Variants in NAV2 observed in about 807,000 individuals in gnomAD.
NAV2 encodes the protein neuron navigator 2.
A neutral mutation model predicts 223.2 loss-of-function variants in NAV2; 54 were observed. The ratio of observed to expected loss-of-function variants is 0.24; its 90% confidence interval spans 0.19 to 0.30. NAV2 has a LOEUF of 0.30. Ranked by LOEUF, NAV2 falls within the 10% of genes least tolerant of loss-of-function variation. The pLI, the probability that NAV2 is intolerant of heterozygous loss-of-function variation, is 1.00. For missense variants in NAV2, 2,806 were observed against 3,147.5 expected (o/e 0.89, Z 2.60); for synonymous variants, 1,279 against 1,239.3 (o/e 1.03, Z -0.67).
rs987257571 is a variant in NAV2 at position 19,378,468 on chromosome 11, C to T, written c.75+27441C>T. On this transcript the variant is annotated intron_variant, in intron 1 of 37. Coordinates refer to the NAV2 transcript ENST00000360655. ...ACGTGGGGAGGTGGTGCGGGGTGCACGCACTGAATCGCTGATAGATGCCAT... is the reference window on the plus strand; with the variant it reads ...ACGTGGGGAGGTGGTGCGGGGTGCATGCACTGAATCGCTGATAGATGCCAT... 2.6e-5 allele frequency among the ~76,000 whole-genome samples: 4 copies of T among 152,232 alleles called. No homozygotes were observed. In the East Asian group the frequency reaches 5.8e-4, roughly 22 times the overall value.
intron 22 of NAV2, among the ~76,000 whole-genome samples, chr11:20,068,662 A>G (rs1313530073): frequency 6.6e-6 from 1 of 152,202 alleles, no homozygotes; most frequent in African/African-American, 2.4e-5. Flanking sequence ...CCCACAGTCA[A>G]TGCTTGCAAT....
chr11:19,642,217 T>G (rs906468654), intron 1 of NAV2, among the ~76,000 whole-genome samples: 1 of 152,040 alleles, frequency 6.6e-6, no homozygotes, highest in Non-Finnish European at 1.5e-5. Context: ...ACTCTTCAAG[T>G]CCCAGCCAGC....
chr11:19,799,006 G>A (rs925222322), intron 1 of NAV2, among the ~76,000 whole-genome samples: 8 of 152,206 alleles, frequency 5.3e-5, no homozygotes, highest in African/African-American at 1.2e-4. Flanking sequence ...TGGTTAAGGA[G>A]AAGAGGTGAG....
chr11:19,642,606 G>T (rs1216037701), intron 1 of NAV2, among the ~76,000 whole-genome samples: 2 of 152,120 alleles, frequency 1.3e-5, no homozygotes, highest in Non-Finnish European at 2.9e-5. Context: ...GCTGTACATG[G>T]AGTCAACAGC....
intron 3 of NAV2, among the ~76,000 whole-genome samples, chr11:19,854,191 T>C (rs1367340238): frequency 6.6e-6 from 1 of 152,204 alleles, no homozygotes; most frequent in Non-Finnish European, 1.5e-5. Flanking sequence ...TGTTTCAGCC[T>C]AGCATCAAAG....
intron 1 of NAV2, among the ~76,000 whole-genome samples, chr11:19,398,825 A>G: frequency 6.6e-6 from 1 of 152,196 alleles, no homozygotes; most frequent in South Asian, 2.1e-4. Context: ...CCCCCCACAG[A>G]CACACTCACA....
intron 14 of NAV2, among the ~76,000 whole-genome samples, chr11:20,045,893 G>A (rs182932820): frequency 2.8e-4 from 43 of 152,302 alleles, no homozygotes; most frequent in Non-Finnish European, 5.6e-4. Context: ...CAAATCTTAG[G>A]TCCATTTTAA....
intron 1 of NAV2, among the ~76,000 whole-genome samples, chr11:19,766,532 G>A (rs533741447): frequency 3.9e-5 from 6 of 152,292 alleles, no homozygotes; most frequent in South Asian, 2.1e-4. Context: ...GAAGAGTGCC[G>A]AGATAAACTG....
intron 11 of NAV2, among the ~76,000 whole-genome samples, chr11:19,992,256 GC>G (rs1484489616): frequency 4.6e-4 from 70 of 152,364 alleles, no homozygotes; most frequent in African/African-American, 1.6e-3. Flanking sequence ...GCTCTTTTAT[GC>G]TAGTGCCACT....
At chr11:19,702,229 C>T (rs1046474070) in intron 1 of NAV2, among the ~76,000 whole-genome samples, 4 of 152,156 alleles carry the variant, frequency 2.6e-5, no homozygotes, top group Admixed American at 6.5e-5. Flanking sequence ...GGAGAATAGA[C>T]GGAATTTCTG....
rs1385743937 is a variant in NAV2 at position 19,998,463 on chromosome 11, TCTC to T, written c.2768+14220_2768+14222del. 5.9e-5 allele frequency among the ~76,000 whole-genome samples: 9 copies of T among 152,124 alleles called. No homozygotes were observed. The highest frequency in any genetic ancestry group is 2.2e-4 in the African/African-American group (9 of 41,506). ...TTGTAACCTTAACATATACATCAGA[TCTC>T]CTCTGCCCTTGCCTGAAACCCTCCC... On this transcript the variant is annotated intron_variant, in intron 11 of 37. Transcript: ENST00000349880. This position sits in a 1 kb window ranked among gnomAD's most constrained non-coding sequence, Gnocchi z 5.0.
At chr11:19,790,181 G>A (rs1449051499) in intron 1 of NAV2, among the ~76,000 whole-genome samples, 1 of 152,166 alleles carries the variant, frequency 6.6e-6, no homozygotes, top group Middle Eastern at 3.2e-3. Context: ...GAAGGGCCTG[G>A]TCAGTAACCT....
intron 1 of NAV2, among the ~76,000 whole-genome samples, chr11:19,677,775 T>C (rs762867181): frequency 1.3e-5 from 2 of 152,240 alleles, no homozygotes; most frequent in African/African-American, 4.8e-5. Context: ...TACGGTTTTA[T>C]TGGAACACAG....
intron 1 of NAV2, among the ~76,000 whole-genome samples, chr11:19,817,304 T>C (rs1322728482): frequency 1.3e-5 from 2 of 152,174 alleles, no homozygotes; most frequent in African/African-American, 4.8e-5. Flanking sequence ...CACATCAGTC[T>C]CCTGGGGTTA....
intron 22 of NAV2, among the ~76,000 whole-genome samples, chr11:20,073,315 T>C (rs892079347): frequency 6.6e-6 from 1 of 152,202 alleles, no homozygotes; most frequent in African/African-American, 2.4e-5. Flanking sequence ...AGCTTTTTGA[T>C]GTGCTGCTGG....
At position 20,097,683 on chromosome 11, in the gene NAV2, C is replaced by T. The variant is rs750592990; in HGVS notation, c.6119C>T (p.Pro2040Leu). Reference protein sequence around the residue: ...EIKRSNTSETPELLPCGYLVG... With the variant: ...EIKRSNTSETLELLPCGYLVG... ...AAGCGCAGCAACACTTCCGAAACAC[C>T]GGAGCTGCTTCCTTGTGGCTATCTG... Residue 2040 changes from proline (P) to leucine (L), a missense_variant, in exon 31 of 38, where the codon CCG (proline) becomes CTG (leucine). Transcript: ENST00000349880. The T allele has an allele frequency of 1.3e-5, 21 of 1,612,924 alleles. No homozygotes were observed. Among genetic ancestry groups the T allele is most frequent in the South Asian group, 3.3e-5 (3 of 90,848 alleles).
chr11:19,938,893 G>T (rs375120484), intron 7 of NAV2, among the ~76,000 whole-genome samples: 3 of 152,210 alleles, frequency 2.0e-5, no homozygotes, highest in Admixed American at 2.0e-4. Context: ...TAGTGAAATC[G>T]GTTGAATTAG....
At chr11:19,830,551 GT>G (rs1392139101) in intron 1 of NAV2, among the ~76,000 whole-genome samples, 1 of 152,200 alleles carries the variant, frequency 6.6e-6, no homozygotes, top group Non-Finnish European at 1.5e-5. Flanking sequence ...TGTGTAAAAT[GT>G]TTATGTCAGT....
intron 1 of NAV2, among the ~76,000 whole-genome samples, chr11:19,627,060 C>A (rs977036111): frequency 1.3e-5 from 2 of 152,104 alleles, no homozygotes; most frequent in East Asian, 3.9e-4. Context: ...GAAGGTGAGG[C>A]AAGCTGAGGT....
Sources: gnomAD v4.1 joint callset for allele counts (sites outside exome capture counted in the v4.1 genomes callset) on GRCh38, gnomAD v4.1.1 for gene constraint, Gnocchi (gnomAD v3.1) non-coding constraint, MANE v1.5 for transcripts, NCBI Gene and HGNC (gene_info 2026-07-23, HGNC 2026-07-21) for gene names.